Variants in HLCS observed in about 807,000 individuals in gnomAD.
The protein encoded by HLCS is biotin--protein ligase.
A neutral mutation model predicts 75.0 loss-of-function variants in HLCS; 53 were observed. The observed-to-expected ratio is 0.71, with a 90% confidence interval of 0.57 to 0.89. The LOEUF (loss-of-function observed/expected upper bound fraction) is 0.89. HLCS is among the 40% of genes least tolerant of loss of function. The probability of loss-of-function intolerance (pLI) is 0.00; values close to 1 mark genes in which losing one functional copy is unlikely to be tolerated. For synonymous variants in HLCS, 431 were observed against 428.6 expected (o/e 1.01, Z -0.07); for missense variants, 966 against 1,074.0 (o/e 0.90, Z 1.41).
At chr21:36,940,243 T>G (rs1169562572) in intron 2 of HLCS, among the ~76,000 whole-genome samples, 2 of 152,206 alleles carry the variant, frequency 1.3e-5, no homozygotes, top group African/African-American at 4.8e-5. Flanking sequence ...TAAGATGCCA[T>G]GAACGATTGC....
intron 2 of HLCS, among the ~76,000 whole-genome samples, chr21:36,941,319 T>C (rs887292551): frequency 1.3e-5 from 2 of 152,212 alleles, no homozygotes; most frequent in Admixed American, 1.3e-4. Context: ...GCCATGATGG[T>C]AAATTTCCTG....
chr21:36,756,513 GAAA>G, intron 10 of HLCS, 26 bp downstream of exon 10: 1 of 772,394 alleles, frequency 1.3e-6, no homozygotes, highest in South Asian at 1.3e-5. Flanking sequence ...TAAAGGAGTT[GAAA>G]AGAATGAAGA....
At chr21:36,956,251 G>C (rs985255899) in intron 2 of HLCS, among the ~76,000 whole-genome samples, 24 of 152,122 alleles carry the variant, frequency 1.6e-4, no homozygotes, top group African/African-American at 5.8e-4. Context: ...GATGGACTCA[G>C]GGGGTGGGGA....
At chr21:36,967,196 G>A (rs2068646661), upstream of HLCS, among the ~76,000 whole-genome samples, 1 of 152,128 alleles carries the variant, frequency 6.6e-6, no homozygotes, top group South Asian at 2.1e-4. Flanking sequence ...GTCCCAGAGC[G>A]CTCCACAGCC....
intron 6 of HLCS, among the ~76,000 whole-genome samples, chr21:36,845,637 C>T (rs991558072): frequency 6.6e-6 from 1 of 152,106 alleles, no homozygotes; most frequent in Non-Finnish European, 1.5e-5. Flanking sequence ...CAAAAATTGG[C>T]CCCCAGTGGT....
At chr21:36,888,071 C>A (rs1317026245) in intron 6 of HLCS, among the ~76,000 whole-genome samples, 2 of 152,108 alleles carry the variant, frequency 1.3e-5, no homozygotes, top group Non-Finnish European at 2.9e-5. Flanking sequence ...TAATCGCTTC[C>A]ACCTGTGTCT....
At chr21:36,817,365 A>AT (rs1210557360) in intron 6 of HLCS, among the ~76,000 whole-genome samples, 2 of 151,976 alleles carry the variant, frequency 1.3e-5, no homozygotes, top group African/African-American at 4.8e-5. Flanking sequence ...CCTTAATTTG[A>AT]TTTTCTGGGT....
At chr21:36,851,651 C>T (rs946334647) in intron 6 of HLCS, among the ~76,000 whole-genome samples, 9 of 152,238 alleles carry the variant, frequency 5.9e-5, no homozygotes, top group African/African-American at 1.9e-4. Flanking sequence ...TTTAATTGTA[C>T]ATTTTTAAAT....
chr21:36,750,076 AG>A lies in HLCS; in HGVS notation c.*4169del, dbSNP rs1235215286. The stretch of plus-strand genomic sequence containing the variant: ...GACGGCCAGGGCTGAGTGTGAAGTC[AG>A]CAGAGCTGTTACTGTGGCAACCTAA... On this transcript the variant is annotated 3_prime_UTR_variant, in exon 11 of 11. Transcript: ENST00000674895. 2.8e-4 allele frequency among the ~76,000 whole-genome samples: 42 copies of A among 152,370 alleles called. No individual in the cohort carries two copies. Among genetic ancestry groups the A allele is most frequent in the Admixed American group, 2.5e-3 (39 of 15,306 alleles).
chr21:36,892,534 C>T (rs1026599786), intron 6 of HLCS, among the ~76,000 whole-genome samples: 5 of 152,172 alleles, frequency 3.3e-5, no homozygotes, highest in African/African-American at 7.2e-5. Context: ...GGCACATCAT[C>T]CAGAGATCCT....
intron 5 of HLCS, among the ~76,000 whole-genome samples, chr21:36,922,717 C>T (rs1392407563): frequency 6.6e-6 from 1 of 152,140 alleles, no homozygotes; most frequent in African/African-American, 2.4e-5. Context: ...TCCTTGCACC[C>T]CAAGTTGTTT....
chr21:36,775,766 C>T (rs2060339771), intron 6 of HLCS, among the ~76,000 whole-genome samples: 1 of 152,224 alleles, frequency 6.6e-6, no homozygotes, highest in Non-Finnish European at 1.5e-5. Flanking sequence ...CCATAAGTCA[C>T]CTGCCCCTAA....
chr21:36,960,500 C>A (rs1288201937), intron 2 of HLCS, among the ~76,000 whole-genome samples: 2 of 152,208 alleles, frequency 1.3e-5, no homozygotes, highest in African/African-American at 4.8e-5. Flanking sequence ...CTGCTCCAGG[C>A]CCATCTGCCT....
chr21:36,943,075 T>C (rs2067222077), intron 2 of HLCS, among the ~76,000 whole-genome samples: 1 of 152,128 alleles, frequency 6.6e-6, no homozygotes, highest in Non-Finnish European at 1.5e-5. Flanking sequence ...TCAAAAAAGA[T>C]ACCAACAAGG....
At chr21:36,957,344 G>T (rs951169569) in intron 2 of HLCS, among the ~76,000 whole-genome samples, 1 of 152,114 alleles carries the variant, frequency 6.6e-6, no homozygotes, top group African/African-American at 2.4e-5. Flanking sequence ...TTTCTGCCAT[G>T]ACTGTTCCTC....
chr21:36,823,579 A>G (rs1056097183), intron 6 of HLCS, among the ~76,000 whole-genome samples: 3 of 148,516 alleles, frequency 2.0e-5, no homozygotes, highest in Non-Finnish European at 4.4e-5. Flanking sequence ...GGAGACTAAC[A>G]ACAGCCCATT....
intron 7 of HLCS, among the ~76,000 whole-genome samples, chr21:36,766,236 C>A (rs1231044784): frequency 1.3e-5 from 2 of 151,884 alleles, no homozygotes; most frequent in African/African-American, 2.4e-5. Context: ...GTTGTCCCAG[C>A]TGGTCTTGAA....
intron 1 of HLCS, chr21:36,974,808 C>T (rs999685005): frequency 6.6e-6 from 1 of 152,234 alleles, no homozygotes; most frequent in Non-Finnish European, 1.5e-5. Flanking sequence ...CCCGCCCACA[C>T]CTTCATCTTG....
chr21:36,941,529 A>C (rs990101783), intron 2 of HLCS, among the ~76,000 whole-genome samples: 6 of 152,212 alleles, frequency 3.9e-5, no homozygotes, highest in African/African-American at 1.4e-4. Flanking sequence ...TCAATAAGGA[A>C]ATAATAGTCT....
Sources: allele counts gnomAD v4.1 joint callset (sites outside exome capture counted in the v4.1 genomes callset), GRCh38; gene constraint gnomAD v4.1.1; transcripts MANE v1.5; gene names NCBI Gene and HGNC (gene_info 2026-07-23, HGNC 2026-07-21).